Variants in C8orf34 observed in about 807,000 individuals in gnomAD.
C8orf34 encodes uncharacterized protein C8orf34.
Under a neutral mutation model 68.3 loss-of-function variants are expected in C8orf34, and 65 were observed. That is an observed-to-expected ratio of 0.95 (90% confidence interval 0.78 to 1.17). The LOEUF (loss-of-function observed/expected upper bound fraction) is 1.17. C8orf34 is among the 50% of genes most tolerant of loss of function. The probability of loss-of-function intolerance (pLI) is 0.00; values close to 1 mark genes in which losing one functional copy is unlikely to be tolerated. For missense variants in C8orf34, 664 were observed against 655.4 expected (o/e 1.01, Z -0.14); for synonymous variants, 244 against 241.2 (o/e 1.01, Z -0.11).
intron 1 of C8orf34, among the ~76,000 whole-genome samples, chr8:68,353,376 G>C (rs1806598935): frequency 6.6e-6 from 1 of 151,890 alleles, no homozygotes; most frequent in African/African-American, 2.4e-5. Context: ...GATGGGGGAA[G>C]TTTAACTATT....
intron 5 of C8orf34, among the ~76,000 whole-genome samples, chr8:68,490,107 T>C (rs1813248917): frequency 6.6e-6 from 1 of 152,094 alleles, no homozygotes; most frequent in Admixed American, 6.6e-5. Context: ...CCCCAGCTGG[T>C]CTCCTTCTTA....
At position 68,468,717 on chromosome 8, in the gene C8orf34, G is replaced by A. The variant is rs370223851; in HGVS notation, c.633G>A (p.Lys211=). Residue 211 remains lysine (K), a synonymous_variant, in exon 4 of 14, where the codon AAG becomes AAA. Transcript: ENST00000518698. ...TGCCAAGGTCAGTAGAGCATCCAAAGTGGAACTGGAGGACTAAACCACAAA... is the reference window on the plus strand; with the variant it reads ...TGCCAAGGTCAGTAGAGCATCCAAAATGGAACTGGAGGACTAAACCACAAA... ...KSLPRSVEHP[K]WNWRTKPQSR... is the part of the protein sequence containing the mutation. 11 of 1,612,706 alleles carry A rather than the reference G, an allele frequency of 6.8e-6. No homozygotes were observed. The African/African-American group carries it at 8.0e-5, about 12-fold the overall frequency.
At chr8:68,653,318 A>G (rs1236337181) in intron 8 of C8orf34, among the ~76,000 whole-genome samples, 2 of 152,226 alleles carry the variant, frequency 1.3e-5, no homozygotes, top group African/African-American at 2.4e-5. Context: ...CAGAGTTTAT[A>G]GAGTCATTCA....
intron 12 of C8orf34, among the ~76,000 whole-genome samples, chr8:68,814,351 A>G (rs899761905): frequency 3.3e-5 from 5 of 152,200 alleles, no homozygotes; most frequent in African/African-American, 1.2e-4. Context: ...AACTACTAAT[A>G]CAGAGCATGA....
At chr8:68,654,475 A>C (rs778356093) in intron 8 of C8orf34, among the ~76,000 whole-genome samples, 14 of 152,132 alleles carry the variant, frequency 9.2e-5, no homozygotes, top group African/African-American at 2.2e-4. Flanking sequence ...CCTCTAGATA[A>C]AAGGGTAACA....
chr8:68,687,192 A>G (rs1326521925), intron 8 of C8orf34, among the ~76,000 whole-genome samples: 2 of 152,174 alleles, frequency 1.3e-5, no homozygotes, highest in African/African-American at 2.4e-5. Context: ...AATATGTCCC[A>G]AAGTAATCTA....
chr8:68,794,808 T>C (rs1290150687), intron 12 of C8orf34, among the ~76,000 whole-genome samples: 2 of 152,002 alleles, frequency 1.3e-5, no homozygotes, highest in Non-Finnish European at 2.9e-5. Context: ...GTTTGTATTA[T>C]ACATACCAGT....
At chr8:68,335,880 G>GGTC (rs1805826370) in intron 1 of C8orf34, among the ~76,000 whole-genome samples, 2 of 152,108 alleles carry the variant, frequency 1.3e-5, no homozygotes, top group Non-Finnish European at 2.9e-5. Flanking sequence ...AGGAGTTTGA[G>GGTC]ACCAAAGACC....
chr8:68,711,305 C>T (rs72666784), intron 9 of C8orf34, among the ~76,000 whole-genome samples: 2,137 of 152,112 alleles, frequency 0.014, 27 homozygotes, highest in Non-Finnish European at 0.02. Flanking sequence ...AGCAATGGAT[C>T]CAAGTCAAGA....
chr8:68,421,599 C>A (rs1161658266), intron 1 of C8orf34, among the ~76,000 whole-genome samples: 4 of 152,120 alleles, frequency 2.6e-5, no homozygotes, highest in Admixed American at 2.6e-4. Context: ...GGCTACTCAG[C>A]CCCTTCTACA....
rs1389053022 is a variant in C8orf34, at chr8:68,609,882, C to T, written c.1106-30494C>T. 2.0e-5 allele frequency among the ~76,000 whole-genome samples: 3 copies of T among 152,066 alleles called. No individual in the cohort carries two copies. The East Asian group carries it at 5.8e-4, about 29-fold the overall frequency. On this transcript the variant is annotated intron_variant, in intron 7 of 13. Coordinates refer to ENST00000518698, the MANE Select transcript of C8orf34 (RefSeq NM_052958.4). ...GTGATGAGTTCAAACACAACAAAGC[C>T]AGGCAAGTGGAGCCAGGTGGAGATA...
chr8:68,434,978 A>G, intron 1 of C8orf34, among the ~76,000 whole-genome samples: 1 of 151,642 alleles, frequency 6.6e-6, no homozygotes, highest in African/African-American at 2.4e-5. Context: ...GAACCCAGGA[A>G]GCAGAGGTTT....
intron 7 of C8orf34, among the ~76,000 whole-genome samples, chr8:68,629,759 G>A (rs1255504600): frequency 6.6e-6 from 1 of 152,018 alleles, no homozygotes; most frequent in Admixed American, 6.6e-5. Context: ...TAATAGGTGT[G>A]TGTGTGTATA....
intron 1 of C8orf34, among the ~76,000 whole-genome samples, chr8:68,401,251 T>C (rs1286167195): frequency 6.6e-6 from 1 of 152,148 alleles, no homozygotes; most frequent in Non-Finnish European, 1.5e-5. Context: ...ACTGAATGTA[T>C]TCATCAAAAC....
chr8:68,501,871 T>C (rs1813786339), intron 5 of C8orf34, among the ~76,000 whole-genome samples: 1 of 152,202 alleles, frequency 6.6e-6, no homozygotes, highest in Non-Finnish European at 1.5e-5. Flanking sequence ...TTCTGCTAGA[T>C]ACACATAGGT....
Position 68,755,858 on chromosome 8 carries a change from G to A in C8orf34, c.1405-20541G>A, listed in dbSNP as rs575844466. Reference sequence around the variant, plus strand: ...AGGTGGATCACGAGGTCAGGAGGTCGAGACCATCCTGGCTAACAGGTGAAA... The same window carrying A: ...AGGTGGATCACGAGGTCAGGAGGTCAAGACCATCCTGGCTAACAGGTGAAA... On this transcript the variant is annotated intron_variant, in intron 10 of 13. Coordinates refer to ENST00000518698, the MANE Select transcript of C8orf34 (RefSeq NM_052958.4). Among the ~76,000 whole-genome samples the A allele has an allele frequency of 1.3e-3, 198 of 151,624 alleles. 2 individuals are homozygous for A. Among genetic ancestry groups the A allele is most frequent in the African/African-American group, 4.5e-3 (187 of 41,286 alleles).
chr8:68,502,137 C>T (rs965155033), intron 5 of C8orf34, among the ~76,000 whole-genome samples: 2 of 152,156 alleles, frequency 1.3e-5, no homozygotes, highest in African/African-American at 4.8e-5. Context: ...GTGATCTCAG[C>T]TCACTGTAAC....
intron 7 of C8orf34, among the ~76,000 whole-genome samples, chr8:68,610,444 G>A (rs895558996): frequency 6.6e-6 from 1 of 152,072 alleles, no homozygotes; most frequent in African/African-American, 2.4e-5. Context: ...GGGGATAATC[G>A]AATGCATGTT....
rs115345326 is a variant in C8orf34, at chr8:68,521,494, T to C, written c.766-305T>C. 3.7e-3 allele frequency among the ~76,000 whole-genome samples: 559 copies of C among 152,234 alleles called. 7 individuals are homozygous for C. Among genetic ancestry groups the C allele is most frequent in the African/African-American group, 0.013 (523 of 41,564 alleles). Reference sequence around the variant, plus strand: ...CTCTCTGCCTATGTGGGCCGCCCTGTTTACAACACACTCTTCCTTCTGCCT... The same window carrying C: ...CTCTCTGCCTATGTGGGCCGCCCTGCTTACAACACACTCTTCCTTCTGCCT... On this transcript the variant is annotated intron_variant, in intron 5 of 13. Transcript: ENST00000518698.
Sources: gnomAD v4.1 joint callset for allele counts (sites outside exome capture counted in the v4.1 genomes callset) on GRCh38, gnomAD v4.1.1 for gene constraint, MANE v1.5 for transcripts, NCBI Gene and HGNC (gene_info 2026-07-23, HGNC 2026-07-21) for gene names.